The following PABIR1 variants were observed in gnomAD, a reference collection of about 807,000 sequenced individuals.
PABIR1 encodes PP2A Aalpha (PPP2R1A) and B55A (PPP2R2A) interacting phosphatase regulator 1, also known as PPP2R1A-PPP2R2A-interacting phosphatase regulator 1.
Under a neutral mutation model 14.6 loss-of-function variants are expected in PABIR1, and 2 were observed. That is an observed-to-expected ratio of 0.14 (90% CI 0.06 to 0.43). The LOEUF is 0.43. Among genes scored for constraint, PABIR1 ranks in the 20% least tolerant of loss-of-function variants. The pLI is 0.99. For missense variants in PABIR1, 294 were observed against 379.0 expected (o/e 0.78, Z 1.86); for synonymous variants, 163 against 155.4 (o/e 1.05, Z -0.36).
In PABIR1 at chr9:68,780,854, A is replaced by G. The variant is rs781641348; in HGVS notation, c.690A>G (p.Ala230=). 5 of 1,614,232 alleles carry G rather than the reference A, an allele frequency of 3.1e-6. No individual in the cohort carries two copies. The Admixed American group carries it at 8.3e-5, about 27-fold the overall frequency. Residue 230 remains alanine (A), a synonymous_variant, in exon 1 of 1, where the codon GCA becomes GCG. Transcript: ENST00000394264. The stretch of plus-strand genomic sequence containing the variant: ...CCAACATGCTTTCTTCTGACGTTGC[A>G]CAGCTGTCAGATCCTGGTGTGTGTG... The part of the protein sequence containing the change: ...GITNMLSSDV[A]QLSDPGVCVS...
At position 68,780,978 on chromosome 9, in the gene PABIR1, G is replaced by A. The variant is rs1157208815; in HGVS notation, c.814G>A (p.Ala272Thr). 1 of 1,614,054 alleles carries A rather than the reference G, an allele frequency of 6.2e-7. No individual in the cohort carries two copies. Among genetic ancestry groups the A allele is most frequent in the Non-Finnish European group, 8.5e-7 (1 of 1,180,030 alleles). Reference sequence around the variant, plus strand: ...TACCACCGACTCTCCTGTGTCACCTGCCCAAGCGGCTTCTCCATTTATTCC... The same window carrying A: ...TACCACCGACTCTCCTGTGTCACCTACCCAAGCGGCTTCTCCATTTATTCC... ...STTTDSPVSP[A>T]QAASPFIPLD... Residue 272 changes from alanine to threonine, a missense_variant, in exon 1 of 1, where the codon GCC (alanine) becomes ACC (threonine). Around this residue, in one of 3 missense-constraint regions of PABIR1, gnomAD observed 95 missense variants for 100.8 expected, o/e 0.94. Transcript: ENST00000394264.
chr9:68,780,127 C>A lies in PABIR1; in HGVS notation c.-38C>A. 1.3e-6 allele frequency: 2 copies of A among 1,506,706 alleles called. No homozygotes were observed. The highest frequency in any genetic ancestry group is 1.4e-5 in the African/African-American group (1 of 70,582). The allele number at this position is 1,506,706 out of a possible 1,614,324, so 93.3% of individuals were successfully genotyped here. On this transcript the variant is annotated 5_prime_UTR_variant, in exon 1 of 1. Transcript: ENST00000394264. ...ACTGCGGGGAATGGGAATCCTAGGT[C>A]CCTGACTGAGCACCTCCCCCGCCTC... is the stretch of plus-strand genomic sequence containing the variant.
Position 68,780,566 on chromosome 9 carries a change from C to T in PABIR1, c.402C>T (p.Pro134=), listed in dbSNP as rs1341267202. ...SDNDVEKSAS[P]KRIDFIPVSP... is the part of the protein sequence containing the mutation. ...ACGACGTGGAGAAATCCGCCTCCCC[C>T]AAGCGCATCGATTTCATTCCTGTGT... Residue 134 remains proline, a synonymous_variant, in exon 1 of 1, where the codon CCC becomes CCT. Transcript: ENST00000394264. 1.9e-6 allele frequency: 3 copies of T among 1,614,230 alleles called. No homozygotes were observed. The highest frequency in any genetic ancestry group is 2.5e-6 in the Non-Finnish European group (3 of 1,180,042).
At position 68,782,591 on chromosome 9, in the gene PABIR1, CTA is replaced by C. The variant is rs1831356990; in HGVS notation, c.*1565_*1566del. ...TAACAATTTTGTGGAATTTTTACAA[CTA>C]TGAGAGTAAATGGAACTGGTCAACT... On this transcript the variant is annotated 3_prime_UTR_variant, in exon 1 of 1. Transcript: ENST00000394264. The C allele has an allele frequency of 1.2e-5, 2 of 167,054 alleles. No individual in the cohort carries two copies. The highest frequency in any genetic ancestry group is 2.9e-5 in the Non-Finnish European group (2 of 68,114). The allele number at this position is 167,054 out of a possible 1,614,324, so 10.3% of individuals were successfully genotyped here. A position where few individuals can be genotyped will look rare whatever the true frequency, so the allele number is the denominator to read the frequency against.
rs1454963509 is a variant in PABIR1, at chr9:68,781,412, T to A, written c.*384T>A. On this transcript the variant is annotated 3_prime_UTR_variant, in exon 1 of 1. Transcript: ENST00000394264. ...AGCATAGTAAACTGATGTTTAAAAT[T>A]CCATACTTCATGCCCACACTAATTT... 5.4e-6 allele frequency: 1 copy of A among 185,686 alleles called. No individual in the cohort carries two copies. The highest frequency in any genetic ancestry group is 2.4e-5 in the African/African-American group (1 of 41,674). The allele number at this position is 185,686 out of a possible 1,614,324, so 11.5% of individuals were successfully genotyped here.
rs895675678 is a variant in PABIR1 at position 68,780,212 on chromosome 9, G to C, written c.48G>C (p.Thr16=). The C allele has an allele frequency of 2.6e-6, 4 of 1,538,070 alleles. No homozygotes were observed. Among genetic ancestry groups the C allele is most frequent in the Admixed American group, 4.3e-5 (2 of 46,142 alleles). Reference sequence around the variant, plus strand: ...TAGACCTGGAGCTGCCTCCGGGTACGGGCGGGAGCCCGGCGGAGGGCGGTG... The same window carrying C: ...TAGACCTGGAGCTGCCTCCGGGTACCGGCGGGAGCCCGGCGGAGGGCGGTG... The part of the protein sequence containing the change: ...MELDLELPPG[T]GGSPAEGGGS... The change falls in exon 1 of 1, where the codon ACG becomes ACC. Residue 16 remains threonine, a synonymous_variant. Transcript: ENST00000394264.
chr9:68,782,161 G>C lies in PABIR1; in HGVS notation c.*1133G>C, dbSNP rs1244549033. 1 of 167,090 alleles carries C rather than the reference G, an allele frequency of 6.0e-6. No homozygotes were observed. Among genetic ancestry groups the C allele is most frequent in the East Asian group, 1.9e-4 (1 of 5,198 alleles). The allele number at this position is 167,090 out of a possible 1,614,324, so 10.4% of individuals were successfully genotyped here. On this transcript the variant is annotated 3_prime_UTR_variant, in exon 1 of 1. Coordinates refer to ENST00000394264, the MANE Select transcript of PABIR1 (RefSeq NM_138333.5). ...CTAGGGCACCATTGATTAGACAAAG[G>C]TACAGTGTAACTTGGGTTTCTGACA...
Position 68,780,709 on chromosome 9 carries a change from T to C in PABIR1, c.545T>C (p.Phe182Ser). The change falls in exon 1 of 1, where the codon TTT (phenylalanine) becomes TCT (serine). Residue 182 changes from phenylalanine (F) to serine (S), a missense_variant. This residue lies in a region of PABIR1 where 103 missense variants were observed against 175.9 expected (regional missense o/e 0.59). Coordinates refer to ENST00000394264, the MANE Select transcript of PABIR1 (RefSeq NM_138333.5). ...PSPIPSPTTR[F>S]TTRRSQSPIN... Reference sequence around the variant, plus strand: ...CCTATTCCCAGCCCAACGACCCGATTTACCACCCGGAGAAGCCAGAGCCCC... The same window carrying C: ...CCTATTCCCAGCCCAACGACCCGATCTACCACCCGGAGAAGCCAGAGCCCC... 2 of 1,614,196 alleles carry C rather than the reference T, an allele frequency of 1.2e-6. No individual in the cohort carries two copies. The highest frequency in any genetic ancestry group is 1.7e-6 in the Non-Finnish European group (2 of 1,180,040).
At position 68,781,101 on chromosome 9, in the gene PABIR1, G is replaced by A. The variant is rs1217303644; in HGVS notation, c.*73G>A. The A allele has an allele frequency of 6.6e-7, 1 of 1,512,222 alleles. No homozygotes were observed. Among genetic ancestry groups the A allele is most frequent in the Admixed American group, 2.2e-5 (1 of 45,230 alleles). The allele number at this position is 1,512,222 out of a possible 1,614,324, so 93.7% of individuals were successfully genotyped here. A position where few individuals can be genotyped will look rare whatever the true frequency, so the allele number is the denominator to read the frequency against. The stretch of plus-strand genomic sequence containing the variant: ...CTAGTTGGGGCAAACACTGAACTTT[G>A]TCAATTAATTTGAGGCTATTTCCTA... On this transcript the variant is annotated 3_prime_UTR_variant, in exon 1 of 1. Coordinates refer to ENST00000394264, the MANE Select transcript of PABIR1 (RefSeq NM_138333.5).
rs752537837 is a variant in PABIR1 at position 68,780,704 on chromosome 9, C to T, written c.540C>T (p.Thr180=). The change falls in exon 1 of 1, where the codon ACC becomes ACT. Residue 180 remains threonine, a synonymous_variant. Coordinates refer to ENST00000394264, the MANE Select transcript of PABIR1 (RefSeq NM_138333.5). ...LPPSPIPSPT[T]RFTTRRSQSP... The stretch of plus-strand genomic sequence containing the variant: ...CAAGCCCTATTCCCAGCCCAACGAC[C>T]CGATTTACCACCCGGAGAAGCCAGA... 2.5e-6 allele frequency: 4 copies of T among 1,614,086 alleles called. No individual in the cohort carries two copies. Among genetic ancestry groups the T allele is most frequent in the Middle Eastern group, 1.6e-4 (1 of 6,084 alleles).
Position 68,780,084 on chromosome 9 carries a change from C to CATCAAA in PABIR1, c.-80_-79insTCAAAA. The CATCAAA allele has an allele frequency of 2.2e-6, 3 of 1,388,980 alleles. No homozygotes were observed. Among genetic ancestry groups the CATCAAA allele is most frequent in the East Asian group, 2.7e-5 (1 of 36,738 alleles). 86.0% of individuals were successfully genotyped at this position (1,388,980 alleles called of 1,614,324 possible). A position where few individuals can be genotyped will look rare whatever the true frequency, so the allele number is the denominator to read the frequency against. On this transcript the variant is annotated 5_prime_UTR_variant, in exon 1 of 1. Transcript: ENST00000394264. ...GCTGACAGATTCTCGGTGGCGGCGG[C>CATCAAA]AGCGGCGGCGGCCCTGGACTGCGGG...
rs1831166106 is a variant in PABIR1, at chr9:68,780,154, C to T, written c.-11C>T. 6.6e-7 allele frequency: 1 copy of T among 1,510,454 alleles called. No homozygotes were observed. Among genetic ancestry groups the T allele is most frequent in the African/African-American group, 1.4e-5 (1 of 70,908 alleles). 93.6% of individuals were successfully genotyped at this position (1,510,454 alleles called of 1,614,324 possible). ...CTGACTGAGCACCTCCCCCGCCTCC[C>T]TGCCCCCGACATGGCTCAGGAGAAG... On this transcript the variant is annotated 5_prime_UTR_variant, in exon 1 of 1. Transcript: ENST00000394264.
In PABIR1 at chr9:68,780,093, C is replaced by G. The variant is rs1368877151; in HGVS notation, c.-72C>G. 1 of 1,365,480 alleles carries G rather than the reference C, an allele frequency of 7.3e-7. No homozygotes were observed. Among genetic ancestry groups the G allele is most frequent in the Admixed American group, 3.2e-5 (1 of 31,100 alleles). 84.6% of individuals were successfully genotyped at this position (1,365,480 alleles called of 1,614,324 possible). ...TTCTCGGTGGCGGCGGCAGCGGCGG[C>G]GGCCCTGGACTGCGGGGAATGGGAA... On this transcript the variant is annotated 5_prime_UTR_variant, in exon 1 of 1. Transcript: ENST00000394264.
Position 68,780,971 on chromosome 9 carries a change from G to A in PABIR1, c.807G>A (p.Val269=). ...TCAGCACTACCACCGACTCTCCTGT[G>A]TCACCTGCCCAAGCGGCTTCTCCAT... The part of the protein sequence containing the change: ...AKVSTTTDSP[V]SPAQAASPFI... The change falls in exon 1 of 1, where the codon GTG becomes GTA. Residue 269 remains valine, a synonymous_variant. Transcript: ENST00000394264. 1 of 1,614,182 alleles carries A rather than the reference G, an allele frequency of 6.2e-7. No individual in the cohort carries two copies. Among genetic ancestry groups the A allele is most frequent in the South Asian group, 1.1e-5 (1 of 91,080 alleles).
In PABIR1 at chr9:68,781,045, CT is replaced by C. The variant is rs769887313; in HGVS notation, c.*20del. ...TCTAAGTGATTCACTCATCCTGAGA[CT>C]TTCTTTTTGCAGTGGAGAGAGAGAA... On this transcript the variant is annotated 3_prime_UTR_variant, in exon 1 of 1. Coordinates refer to ENST00000394264, the MANE Select transcript of PABIR1 (RefSeq NM_138333.5). The C allele has an allele frequency of 6.2e-7, 1 of 1,602,060 alleles. No homozygotes were observed. The highest frequency in any genetic ancestry group is 8.5e-7 in the Non-Finnish European group (1 of 1,172,362).
Position 68,780,082 on chromosome 9 carries a change from G to GCATCATTAAA in PABIR1, c.-83_-82insCATCATTAAA. The GCATCATTAAA allele has an allele frequency of 7.5e-7, 1 of 1,334,334 alleles. No homozygotes were observed. Among genetic ancestry groups the GCATCATTAAA allele is most frequent in the Non-Finnish European group, 9.6e-7 (1 of 1,038,926 alleles). The allele number at this position is 1,334,334 out of a possible 1,614,324, so 82.7% of individuals were successfully genotyped here. A position where few individuals can be genotyped will look rare whatever the true frequency, so the allele number is the denominator to read the frequency against. On this transcript the variant is annotated 5_prime_UTR_variant, in exon 1 of 1. Transcript: ENST00000394264. Reference sequence around the variant, plus strand: ...CCGCTGACAGATTCTCGGTGGCGGCGGCAGCGGCGGCGGCCCTGGACTGCG... The same window carrying GCATCATTAAA: ...CCGCTGACAGATTCTCGGTGGCGGCGCATCATTAAAGCAGCGGCGGCGGCCCTGGACTGCG...
Position 68,780,840 on chromosome 9 carries a change from T to G in PABIR1, c.676T>G (p.Ser226Ala). The G allele has an allele frequency of 6.2e-7, 1 of 1,614,230 alleles. No homozygotes were observed. The highest frequency in any genetic ancestry group is 8.5e-7 in the Non-Finnish European group (1 of 1,180,034). The change falls in exon 1 of 1, where the codon TCT becomes GCT. Residue 226 changes from serine (S) to alanine (A), a missense_variant. Physicochemically the swap from Ser to Ala is moderately conservative, Grantham distance 99. Coordinates refer to ENST00000394264, the MANE Select transcript of PABIR1 (RefSeq NM_138333.5). ...RFFQGITNMLSSDVAQLSDPG... is the reference protein window; with the variant it reads ...RFFQGITNMLASDVAQLSDPG... ...TTTCCAGGGCATCACCAACATGCTTTCTTCTGACGTTGCACAGCTGTCAGA... is the reference window on the plus strand; with the variant it reads ...TTTCCAGGGCATCACCAACATGCTTGCTTCTGACGTTGCACAGCTGTCAGA...
At position 68,784,414 on chromosome 9, in the gene PABIR1, A is replaced by G. The variant is rs1348269679; in HGVS notation, c.*3386A>G. On this transcript the variant is annotated 3_prime_UTR_variant, in exon 1 of 1. Coordinates refer to ENST00000394264, the MANE Select transcript of PABIR1 (RefSeq NM_138333.5). The stretch of plus-strand genomic sequence containing the variant: ...GTATAAATGGGAGAAATCATTAAAG[A>G]TCATTAACTCCAAGGCTGCTGGATG... 6.0e-6 allele frequency: 1 copy of G among 167,070 alleles called. No homozygotes were observed. 10.3% of individuals were successfully genotyped at this position (167,070 alleles called of 1,614,324 possible). A position where few individuals can be genotyped will look rare whatever the true frequency, so the allele number is the denominator to read the frequency against.
In PABIR1 at chr9:68,784,814, G is replaced by A. The variant is rs188941144; in HGVS notation, c.*3786G>A. On this transcript the variant is annotated 3_prime_UTR_variant, in exon 1 of 1. Transcript: ENST00000394264. ...GAAACTTATTTTTCTTCTGAAACAG[G>A]AGGGAGAGTGAAAAGGCTAGGCAAA... Among the ~76,000 whole-genome samples the A allele has an allele frequency of 7.7e-4, 118 of 152,300 alleles. No individual in the cohort carries two copies. The highest frequency in any genetic ancestry group is 2.6e-3 in the African/African-American group (109 of 41,548).
Sources: allele counts gnomAD v4.1 joint callset (sites outside exome capture counted in the v4.1 genomes callset), GRCh38; gene constraint gnomAD v4.1.1; regional missense constraint gnomAD v4.1.1; transcripts MANE v1.5; gene names NCBI Gene and HGNC (gene_info 2026-07-23, HGNC 2026-07-21).